Variants in PLEKHM3 observed in about 807,000 individuals in gnomAD.
PLEKHM3 encodes pleckstrin homology domain-containing family M member 3.
In PLEKHM3, 45 loss-of-function variants were observed where a neutral mutation model predicts 81.8. The observed-to-expected ratio is 0.55, with a 90% CI of 0.43 to 0.71. The LOEUF is 0.71. Among genes scored for constraint, PLEKHM3 ranks in the 30% least tolerant of loss-of-function variants. The probability of loss-of-function intolerance (pLI) is 0.00; values close to 1 mark genes in which losing one functional copy is unlikely to be tolerated. For missense variants in PLEKHM3, 788 were observed against 924.3 expected (o/e 0.85, Z 1.91); for synonymous variants, 352 against 356.4 (o/e 0.99, Z 0.14).
intron 5 of PLEKHM3, among the ~76,000 whole-genome samples, chr2:207,915,876 C>G (rs569629177): frequency 4.6e-5 from 7 of 152,256 alleles, no homozygotes; most frequent in African/African-American, 1.7e-4. Flanking sequence ...AGTGTCTTTC[C>G]TTTGGAGAGC....
chr2:208,001,209 T>A lies in PLEKHM3; in HGVS notation c.431A>T (p.Lys144Met). The change falls in exon 2 of 8, where the codon AAG (lysine) becomes ATG (methionine). Residue 144 changes from lysine (K) to methionine (M), a missense_variant. Transcript: ENST00000427836. ...NDLLDETSTFKPGHARSRSDI... is the reference protein window; with the variant it reads ...NDLLDETSTFMPGHARSRSDI... Reference sequence around the variant, plus strand: ...TGATCGTGATCGAGCATGCCCTGGCTTGAAAGTTGAGGTCTCATCCAGTAA... The same window carrying A: ...TGATCGTGATCGAGCATGCCCTGGCATGAAAGTTGAGGTCTCATCCAGTAA... 6.2e-7 allele frequency: 1 copy of A among 1,614,146 alleles called. No homozygotes were observed. The highest frequency in any genetic ancestry group is 1.1e-5 in the South Asian group (1 of 91,084).
At chr2:207,971,969 T>C (rs1691137309) in intron 3 of PLEKHM3, among the ~76,000 whole-genome samples, 1 of 152,248 alleles carries the variant, frequency 6.6e-6, no homozygotes, top group African/African-American at 2.4e-5. Flanking sequence ...TAGTTCTACC[T>C]GGCACCATCT....
At chr2:207,949,340 G>T (rs1477285260) in intron 3 of PLEKHM3, among the ~76,000 whole-genome samples, 1 of 152,224 alleles carries the variant, frequency 6.6e-6, no homozygotes, top group Non-Finnish European at 1.5e-5. Context: ...TTGAGCCCAG[G>T]AGTTTGAGAC....
Position 207,828,158 on chromosome 2 carries a change from G to C in PLEKHM3, c.*161C>G. 1 of 516,118 alleles carries C rather than the reference G, an allele frequency of 1.9e-6. No homozygotes were observed. The allele number at this position is 516,118 out of a possible 1,614,324, so 32.0% of individuals were successfully genotyped here. On this transcript the variant is annotated 3_prime_UTR_variant, in exon 8 of 8. Coordinates refer to ENST00000427836, the MANE Select transcript of PLEKHM3 (RefSeq NM_001080475.3). ...TGTACACAGAGCATACGTACAGGACGTATAGGTATTTGCGTATATATAAAT... is the reference window on the plus strand; with the variant it reads ...TGTACACAGAGCATACGTACAGGACCTATAGGTATTTGCGTATATATAAAT...
intron 7 of PLEKHM3, among the ~76,000 whole-genome samples, chr2:207,845,988 G>A (rs1291925562): frequency 6.6e-6 from 1 of 152,140 alleles, no homozygotes; most frequent in Non-Finnish European, 1.5e-5. Flanking sequence ...GAGCAATGGA[G>A]CAGAAGCAAA....
chr2:207,885,976 CAGAG>C (rs1288184413), intron 6 of PLEKHM3, among the ~76,000 whole-genome samples: 1 of 152,108 alleles, frequency 6.6e-6, no homozygotes, highest in Non-Finnish European at 1.5e-5. Context: ...CATATCTGAG[CAGAG>C]AGTGACTGAA....
intron 1 of PLEKHM3, among the ~76,000 whole-genome samples, chr2:208,016,668 A>AAACACACACACACACACACACACACAC (rs1553568085): frequency 1.6e-5 from 1 of 61,554 alleles, no homozygotes; most frequent in African/African-American, 4.5e-5. Flanking sequence ...AAAAAAAAAA[A>AAACACACACACACACACACACACACAC]ATACACACAC....
At chr2:207,930,789 G>A in intron 5 of PLEKHM3, 137 bp downstream of exon 5, 1 of 891,194 alleles carries the variant, frequency 1.1e-6, no homozygotes, top group East Asian at 2.5e-5. Flanking sequence ...GAGAGAGGCT[G>A]GCAGTGGAGA....
intron 6 of PLEKHM3, among the ~76,000 whole-genome samples, chr2:207,875,558 TTACAC>T (rs1326882901): frequency 2.0e-5 from 3 of 152,184 alleles, no homozygotes; most frequent in Non-Finnish European, 4.4e-5. Context: ...TTTAATGAAT[TTACAC>T]TACAGAGATA....
At chr2:207,970,816 TC>T (rs999638371) in intron 3 of PLEKHM3, among the ~76,000 whole-genome samples, 4 of 152,120 alleles carry the variant, frequency 2.6e-5, no homozygotes, top group African/African-American at 9.7e-5. Flanking sequence ...GCAAAACTTC[TC>T]CCCACCACCT....
chr2:207,860,057 G>A (rs2092458466), intron 7 of PLEKHM3, among the ~76,000 whole-genome samples: 2 of 152,162 alleles, frequency 1.3e-5, no homozygotes, highest in Middle Eastern at 3.4e-3. Flanking sequence ...AGGCTGTGAG[G>A]AGTTTCCTCC....
intron 7 of PLEKHM3, among the ~76,000 whole-genome samples, chr2:207,860,613 C>G (rs886541047): frequency 2.0e-5 from 3 of 152,180 alleles, no homozygotes; most frequent in Admixed American, 1.3e-4. Flanking sequence ...CCATTTTTCT[C>G]TCCTTTGGAT....
At chr2:207,951,551 T>C (rs1690327734) in intron 3 of PLEKHM3, among the ~76,000 whole-genome samples, 1 of 151,976 alleles carries the variant, frequency 6.6e-6, no homozygotes, top group Non-Finnish European at 1.5e-5. Flanking sequence ...TGCTTCCCAC[T>C]CCACTTCAAA....
intron 7 of PLEKHM3, among the ~76,000 whole-genome samples, chr2:207,839,882 G>A (rs1024644487): frequency 2.0e-5 from 3 of 152,116 alleles, no homozygotes; most frequent in Non-Finnish European, 4.4e-5. Flanking sequence ...AGCCGTGATG[G>A]TGCCACTACA....
intron 1 of PLEKHM3, among the ~76,000 whole-genome samples, chr2:208,009,791 T>C (rs553085952): frequency 1.4e-4 from 21 of 152,362 alleles, no homozygotes; most frequent in Admixed American, 1.2e-3. Context: ...TTCAAGCCAC[T>C]GACATCTGTA....
intron 2 of PLEKHM3, among the ~76,000 whole-genome samples, chr2:207,981,257 G>A (rs924404986): frequency 3.9e-5 from 6 of 151,946 alleles, no homozygotes; most frequent in Non-Finnish European, 8.8e-5. Flanking sequence ...TTAATATATT[G>A]TGTATGATAT....
At chr2:207,931,645 C>T (rs1298061838) in intron 4 of PLEKHM3, among the ~76,000 whole-genome samples, 1 of 152,190 alleles carries the variant, frequency 6.6e-6, no homozygotes, top group Admixed American at 6.5e-5. Context: ...TATGAATATT[C>T]CATAACACTT....
intron 1 of PLEKHM3, among the ~76,000 whole-genome samples, chr2:208,018,818 T>C (rs1231610466): frequency 6.6e-6 from 1 of 152,100 alleles, no homozygotes; most frequent in African/African-American, 2.4e-5. Context: ...CTTACCTTCT[T>C]GGCCTTATCT....
At chr2:207,879,074 T>C (rs1324385913) in intron 6 of PLEKHM3, among the ~76,000 whole-genome samples, 1 of 152,214 alleles carries the variant, frequency 6.6e-6, no homozygotes, top group Non-Finnish European at 1.5e-5. Context: ...TATTACCATG[T>C]ATGAGTTCTG....
Sources: allele counts gnomAD v4.1 joint callset (sites outside exome capture counted in the v4.1 genomes callset), GRCh38; gene constraint gnomAD v4.1.1; transcripts MANE v1.5; gene names NCBI Gene and HGNC (gene_info 2026-07-23, HGNC 2026-07-21).